The following ABCB8 variants were observed in gnomAD, a reference collection of about 807,000 sequenced individuals.
The protein encoded by ABCB8 is mitochondrial potassium channel ATP-binding subunit.
A neutral mutation model predicts 73.0 loss-of-function variants in ABCB8; 52 were observed. The observed-to-expected ratio is 0.71, with a 90% CI of 0.57 to 0.90. The LOEUF (loss-of-function observed/expected upper bound fraction) is 0.90, where lower values mean the gene tolerates loss of function less well. Ranked by LOEUF, ABCB8 falls within the 40% of genes least tolerant of loss-of-function variation. ABCB8 has a pLI of 0.00. For missense variants in ABCB8, 909 were observed against 974.6 expected (o/e 0.93, Z 0.90); for synonymous variants, 428 against 423.5 (o/e 1.01, Z -0.13).
Position 151,034,815 on chromosome 7 carries a change from C to T in ABCB8, c.751C>T (p.Leu251Phe), listed in dbSNP as rs1023341689. 2.5e-6 allele frequency: 4 copies of T among 1,613,448 alleles called. No homozygotes were observed. Among genetic ancestry groups the T allele is most frequent in the Non-Finnish European group, 3.4e-6 (4 of 1,179,766 alleles). The change falls in exon 5 of 16, where the codon CTT becomes TTT. Residue 251 changes from leucine to phenylalanine, a missense_variant. By Grantham distance (22) the Leu-to-Phe change is conservative. Transcript: ENST00000358849. ...DVQEFKSSFK[L>F]VISQGLRSCT... ...GCAGGAGTTTAAGTCATCCTTCAAG[C>T]TTGTCATCTCCCAGGTCAGTGGCCC...
rs548995905 is a variant in ABCB8 at position 151,046,283 on chromosome 7, C to T, written c.*934C>T. The T allele has an allele frequency of 3.9e-5, 6 of 152,448 alleles. No homozygotes were observed. Among genetic ancestry groups the T allele is most frequent in the African/African-American group, 1.4e-4 (6 of 41,594 alleles). The allele number at this position is 152,448 out of a possible 1,614,324, so 9.4% of individuals were successfully genotyped here. On this transcript the variant is annotated 3_prime_UTR_variant, in exon 16 of 16. Coordinates refer to ENST00000358849, the MANE Select transcript of ABCB8 (RefSeq NM_007188.5). ...CTAAATGGAGCAGCTACTGCAGAAT[C>T]CAGTACAGAATCGGTCCAGGAGGGT...
chr7:151,035,643 C>T lies in ABCB8; in HGVS notation c.828C>T (p.Arg276=), dbSNP rs1796283505. ...CLVSLSMLST[R]LTLLLMVATP... is the part of the protein sequence containing the mutation. ...TGTCCCTGTCCATGCTGTCGACACG[C>T]CTCACGCTGCTGCTGATGGTGGCCA... Residue 276 remains arginine (R), a synonymous_variant, in exon 6 of 16, where the codon CGC becomes CGT. Transcript: ENST00000358849. The T allele has an allele frequency of 4.3e-6, 7 of 1,612,872 alleles. No homozygotes were observed. Among genetic ancestry groups the T allele is most frequent in the Non-Finnish European group, 5.9e-6 (7 of 1,179,446 alleles).
chr7:151,030,716 G>C (rs534575307), intron 1 of ABCB8, among the ~76,000 whole-genome samples: 323 of 152,258 alleles, frequency 2.1e-3, no homozygotes, highest in African/African-American at 7.2e-3. Flanking sequence ...GGGGCAGGCA[G>C]ATCACTTGAG....
At chr7:151,040,957 T>A (rs1383519177) in intron 12 of ABCB8, 35 bp downstream of exon 12, 1 of 1,599,318 alleles carries the variant, frequency 6.3e-7, no homozygotes, top group Admixed American at 1.7e-5. Flanking sequence ...ACCCTCTGAC[T>A]CTTCTCTAGC....
intron 14 of ABCB8, among the ~76,000 whole-genome samples, chr7:151,042,664 C>T (rs773519019): frequency 2.0e-5 from 3 of 152,252 alleles, no homozygotes; most frequent in Non-Finnish European, 4.4e-5. Flanking sequence ...TGCAGCTTGA[C>T]GTGCGGAGCT....
At chr7:151,031,805 T>C (rs1796171830) in intron 1 of ABCB8, among the ~76,000 whole-genome samples, 2 of 152,068 alleles carry the variant, frequency 1.3e-5, no homozygotes, top group Admixed American at 1.3e-4. Flanking sequence ...TAATTTTTAG[T>C]AGAGACAAGG....
At chr7:151,032,803 A>T (rs182766869) in intron 1 of ABCB8, 3 of 329,812 alleles carry the variant, frequency 9.1e-6, no homozygotes, top group Non-Finnish European at 1.2e-5. Context: ...ATGACAAGAT[A>T]AGTTATTAGA....
Position 151,034,848 on chromosome 7 carries a change from C to T in ABCB8, c.765+19C>T, listed in dbSNP as rs1175347806. 1.3e-6 allele frequency: 2 copies of T among 1,592,168 alleles called. No individual in the cohort carries two copies. Among genetic ancestry groups the T allele is most frequent in the East Asian group, 2.2e-5 (1 of 44,726 alleles). On this transcript the variant is annotated intron_variant, in intron 5 of 15. Coordinates refer to ENST00000358849, the MANE Select transcript of ABCB8 (RefSeq NM_007188.5). The stretch of plus-strand genomic sequence containing the variant: ...CTCCCAGGTCAGTGGCCCAGTGGCC[C>T]CCACCACGTCCACACACACACTTTC...
At chr7:151,045,084 C>T (rs1796579000) in intron 15 of ABCB8, 125 bp from the exon 16 acceptor site, 2 of 1,249,572 alleles carry the variant, frequency 1.6e-6, no homozygotes, top group African/African-American at 1.6e-5. Flanking sequence ...TTCAGAGTGT[C>T]CCCAGAAGGG....
At chr7:151,037,723 G>A (rs1796349210) in intron 9 of ABCB8, 1 of 286,064 alleles carries the variant, frequency 3.5e-6, no homozygotes, top group Admixed American at 4.9e-5. Flanking sequence ...CCTGCTGCAT[G>A]GTGCACCCCT....
chr7:151,042,752 C>T (rs375088707), intron 14 of ABCB8, among the ~76,000 whole-genome samples: 1 of 152,198 alleles, frequency 6.6e-6, no homozygotes, highest in Non-Finnish European at 1.5e-5. Context: ...TTCAGCACTT[C>T]TCAGGATACA....
chr7:151,040,170 A>G (rs1305687762), intron 9 of ABCB8, 98 bp from the exon 10 acceptor site: 4 of 1,440,422 alleles, frequency 2.8e-6, no homozygotes, highest in African/African-American at 1.4e-5. Flanking sequence ...GCCACAGGCC[A>G]CCTGCTTCCT....
intron 1 of ABCB8, among the ~76,000 whole-genome samples, chr7:151,030,897 A>G (rs11975690): frequency 0.45 from 67,769 of 152,128 alleles, 15,717 homozygotes; most frequent in African/African-American, 0.59. Flanking sequence ...CCAGCATAGC[A>G]CCACTGCTCT....
chr7:151,034,858 CCA>C (rs750083912), intron 5 of ABCB8, 29 bp downstream of exon 5: 23 of 1,574,106 alleles, frequency 1.5e-5, no homozygotes, highest in Non-Finnish European at 1.8e-5. Context: ...CCCACCACGT[CCA>C]CACACACACT....
chr7:151,045,083 TC>T, intron 15 of ABCB8, 125 bp from the exon 16 acceptor site: 1 of 1,215,772 alleles, frequency 8.2e-7, no homozygotes, highest in Non-Finnish European at 1.1e-6. Context: ...TTTCAGAGTG[TC>T]CCCAGAAGGG....
intron 5 of ABCB8, among the ~76,000 whole-genome samples, chr7:151,035,176 G>T (rs1226202737): frequency 6.6e-6 from 1 of 152,210 alleles, no homozygotes; most frequent in Non-Finnish European, 1.5e-5. Context: ...CATTGAGCAT[G>T]TGCAGTGGCC....
chr7:151,042,480 G>T (rs1796495090), intron 14 of ABCB8, among the ~76,000 whole-genome samples: 1 of 152,182 alleles, frequency 6.6e-6, no homozygotes, highest in African/African-American at 2.4e-5. Context: ...CAGAAGAAAT[G>T]GGGGGCTGCC....
chr7:151,043,921 C>T, intron 14 of ABCB8, 50 bp from the exon 15 acceptor site: 2 of 1,593,302 alleles, frequency 1.3e-6, no homozygotes, highest in Non-Finnish European at 1.7e-6. Context: ...CTTTGTGGGC[C>T]ACCCTCAAGT....
At chr7:151,034,251 G>C (rs2303923) in intron 2 of ABCB8, 22 bp from the exon 3 acceptor site, 1,025,729 of 1,595,280 alleles carry the variant, frequency 0.64, 334,274 homozygotes, top group African/African-American at 0.91. Context: ...AAACATTTGT[G>C]CCCTCTGTCT....
Sources: gnomAD v4.1 joint callset for allele counts (sites outside exome capture counted in the v4.1 genomes callset) on GRCh38, gnomAD v4.1.1 for gene constraint, MANE v1.5 for transcripts, NCBI Gene and HGNC (gene_info 2026-07-23, HGNC 2026-07-21) for gene names.